SRRM3: variants seen among roughly 807,000 people sequenced by gnomAD.
The protein encoded by SRRM3 is serine/arginine repetitive matrix protein 3.
SRRM3 carries 27 observed loss-of-function variants against 66.2 expected under a neutral mutation model. The ratio of observed to expected loss-of-function variants is 0.41; its 90% CI spans 0.30 to 0.56. SRRM3 has a LOEUF of 0.56. Among genes scored for constraint, SRRM3 ranks in the 20% least tolerant of loss-of-function variants. The probability of loss-of-function intolerance (pLI) is 0.32; values close to 1 mark genes in which losing one functional copy is unlikely to be tolerated. For synonymous variants in SRRM3, 391 were observed against 414.9 expected (o/e 0.94, Z 0.70); for missense variants, 918 against 991.9 (o/e 0.93, Z 1.00).
chr7:76,283,955 C>A, intron 14 of SRRM3: 1 of 443,772 alleles, frequency 2.3e-6, no homozygotes, highest in Non-Finnish European at 3.0e-6. Flanking sequence ...TGCTGGGCAG[C>A]CTTGGGAGAT....
chr7:76,254,116 A>G (rs66482646), intron 3 of SRRM3, among the ~76,000 whole-genome samples: 35,659 of 151,756 alleles, frequency 0.23, 4,516 homozygotes, highest in East Asian at 0.45. Context: ...CCTGGGCTCA[A>G]GTAGTCATCC....
chr7:76,215,406 T>TG (rs1563607936), intron 1 of SRRM3, among the ~76,000 whole-genome samples: 2 of 146,318 alleles, frequency 1.4e-5, no homozygotes, highest in African/African-American at 5.1e-5. Flanking sequence ...TTTTTTTTTT[T>TG]TTTTTTTTTT....
intron 3 of SRRM3, among the ~76,000 whole-genome samples, chr7:76,258,713 CAAA>C (rs201265747): frequency 5.9e-5 from 4 of 68,300 alleles, no homozygotes; most frequent in East Asian, 3.3e-4. Flanking sequence ...GACTCCATCT[CAAA>C]AAAAAAAAAA....
chr7:76,257,869 C>T (rs1018768501), intron 3 of SRRM3, among the ~76,000 whole-genome samples: 2 of 152,188 alleles, frequency 1.3e-5, no homozygotes, highest in African/African-American at 2.4e-5. Context: ...CTCTCACCTT[C>T]GAGAAGAGGC....
Position 76,274,286 on chromosome 7 carries a change from G to A in SRRM3, c.1008+6851G>A, listed in dbSNP as rs149390715. On this transcript the variant is annotated intron_variant, in intron 11 of 14. Transcript: ENST00000611745. ...CTGGGCTTCCTCAAGTCCTTCCCTG[G>A]CTGCAGGATGGAGCTTTGGGGTGGG... Among the ~76,000 whole-genome samples the A allele has an allele frequency of 7.2e-4, 109 of 152,382 alleles. No individual in the cohort carries two copies. The Middle Eastern group carries it at 0.024, about 33-fold the overall frequency.
At chr7:76,279,096 T>G (rs1554611511) in intron 11 of SRRM3, among the ~76,000 whole-genome samples, 1 of 152,022 alleles carries the variant, frequency 6.6e-6, no homozygotes, top group Non-Finnish European at 1.5e-5. Flanking sequence ...CCGTCTCTCC[T>G]AAAAATACAA....
chr7:76,267,626 GC>G, intron 11 of SRRM3, 191 bp downstream of exon 11: 2 of 458,362 alleles, frequency 4.4e-6, no homozygotes, highest in Non-Finnish European at 7.1e-6. Context: ...AGGCCGTTGC[GC>G]CCACCTGGCC....
At chr7:76,203,986 G>A (rs185332058) in intron 1 of SRRM3, among the ~76,000 whole-genome samples, 3 of 152,196 alleles carry the variant, frequency 2.0e-5, no homozygotes, top group East Asian at 3.9e-4. Context: ...CCAGCGGGGT[G>A]CCTCTACCCC....
chr7:76,282,660 G>T lies in SRRM3; in HGVS notation c.1383G>T (p.Arg461=), dbSNP rs1583947158. 3 of 1,403,972 alleles carry T rather than the reference G, an allele frequency of 2.1e-6. No individual in the cohort carries two copies. The highest frequency in any genetic ancestry group is 2.8e-6 in the Non-Finnish European group (3 of 1,085,768). 87.0% of individuals were successfully genotyped at this position (1,403,972 alleles called of 1,614,324 possible). The stretch of plus-strand genomic sequence containing the variant: ...CTCCCTCCTCCAGGGCCAAGGAGCG[G>T]CCCCCGCGCGCGCGGCCCGCCAGCA... The part of the protein sequence containing the change: ...HGGHGKRAKE[R]PPRARPASTS... The change falls in exon 13 of 15, where the codon CGG becomes CGT. Residue 461 remains arginine (R), a synonymous_variant. Transcript: ENST00000611745.
intron 3 of SRRM3, among the ~76,000 whole-genome samples, chr7:76,259,034 C>A (rs1214762270): frequency 6.7e-6 from 1 of 149,410 alleles, no homozygotes; most frequent in African/African-American, 2.5e-5. Flanking sequence ...TGCAGTGAGG[C>A]GAGATCGGGC....
chr7:76,250,474 C>A (rs7777955), intron 3 of SRRM3, among the ~76,000 whole-genome samples: 1 of 151,820 alleles, frequency 6.6e-6, no homozygotes, highest in Admixed American at 6.6e-5. Context: ...CCTCAGGTGA[C>A]CCACCCGCCT....
chr7:76,227,535 C>T (rs1431329923), intron 1 of SRRM3, among the ~76,000 whole-genome samples: 1 of 152,220 alleles, frequency 6.6e-6, no homozygotes, highest in Non-Finnish European at 1.5e-5. Flanking sequence ...CTCACTGGCT[C>T]TGGCAGCCCT....
At chr7:76,267,519 G>A (rs1178327472) in intron 11 of SRRM3, 84 bp downstream of exon 11, 5 of 953,454 alleles carry the variant, frequency 5.2e-6, no homozygotes, top group Non-Finnish European at 5.5e-6. Flanking sequence ...GGGGCAGGGG[G>A]CGATAAGTGT....
At chr7:76,241,254 G>A (rs939505203) in intron 2 of SRRM3, among the ~76,000 whole-genome samples, 1 of 152,158 alleles carries the variant, frequency 6.6e-6, no homozygotes, top group Non-Finnish European at 1.5e-5. Flanking sequence ...CTTCCTGCAT[G>A]GCCCTAGGCT....
At chr7:76,265,849 T>A (rs1475472350) in intron 10 of SRRM3, among the ~76,000 whole-genome samples, 16 of 10,624 alleles carry the variant, frequency 1.5e-3, no homozygotes, top group East Asian at 0.02. Context: ...TATATATATA[T>A]ATATATATAT....
intron 11 of SRRM3, among the ~76,000 whole-genome samples, chr7:76,276,875 G>C (rs1477440110): frequency 6.6e-6 from 1 of 152,160 alleles, no homozygotes; most frequent in Non-Finnish European, 1.5e-5. Context: ...GCACTGCTCT[G>C]ACCCTGTGAA....
intron 1 of SRRM3, among the ~76,000 whole-genome samples, chr7:76,224,778 C>G (rs553808740): frequency 2.6e-5 from 4 of 152,194 alleles, no homozygotes; most frequent in Non-Finnish European, 4.4e-5. Flanking sequence ...GTGGCCGCCC[C>G]GATCAGCTAG....
In SRRM3 at chr7:76,281,657, C is replaced by G; in HGVS notation, c.1225C>G (p.Arg409Gly). 1.0e-6 allele frequency: 1 copy of G among 976,914 alleles called. No homozygotes were observed. Among genetic ancestry groups the G allele is most frequent in the Non-Finnish European group, 1.2e-6 (1 of 824,456 alleles). 60.5% of individuals were successfully genotyped at this position (976,914 alleles called of 1,614,324 possible). A position where few individuals can be genotyped will look rare whatever the true frequency, so the allele number is the denominator to read the frequency against. The change falls in exon 12 of 15, where the codon CGG (arginine) becomes GGG (glycine). Residue 409 changes from arginine (R) to glycine (G), a missense_variant. Arg to Gly is a moderately radical substitution (Grantham distance 125, BLOSUM62 -2). Coordinates refer to ENST00000611745, the MANE Select transcript of SRRM3 (RefSeq NM_001110199.3). ...GTCCGCGCCCCGCCGCAGGGGTCGC[C>G]GGCGCCCCCGGCCCGCGCCCCCCCG... Reference protein sequence around the residue: ...SASAPRRRGRRRPRPAPPRGS... With the variant: ...SASAPRRRGRGRPRPAPPRGS...
At chr7:76,211,781 G>A (rs1554601715) in intron 1 of SRRM3, among the ~76,000 whole-genome samples, 1 of 150,970 alleles carries the variant, frequency 6.6e-6, no homozygotes, top group African/African-American at 2.4e-5. Context: ...AAATCTGAGT[G>A]TGGGGCCTGA....
Sources: allele counts gnomAD v4.1 joint callset (sites outside exome capture counted in the v4.1 genomes callset), GRCh38; gene constraint gnomAD v4.1.1; transcripts MANE v1.5; gene names NCBI Gene and HGNC (gene_info 2026-07-23, HGNC 2026-07-21).